Variants in SNTG1 observed in about 807,000 individuals in gnomAD.
The protein encoded by SNTG1 is syntrophin gamma 1.
SNTG1 carries 39 observed loss-of-function variants against 74.7 expected under a neutral mutation model. The observed-to-expected ratio is 0.52, with a 90% confidence interval of 0.40 to 0.68. The LOEUF (loss-of-function observed/expected upper bound fraction) is 0.68. Among genes scored for constraint, SNTG1 ranks in the 30% least tolerant of loss-of-function variants. SNTG1 has a pLI of 0.00. For missense variants in SNTG1, 685 were observed against 609.5 expected, an observed-to-expected ratio of 1.12 and a Z score of -1.30; for synonymous variants, 254 against 217.1, an observed-to-expected ratio of 1.17 and a Z score of -1.49.
chr8:50,601,012 A>G (rs2094769658), intron 13 of SNTG1, among the ~76,000 whole-genome samples: 1 of 151,834 alleles, frequency 6.6e-6, no homozygotes, highest in Admixed American at 6.6e-5. Context: ...TACTGAAAAT[A>G]CAAGAAACAT....
At chr8:50,394,862 T>TTTTA (rs397826323) in intron 3 of SNTG1, among the ~76,000 whole-genome samples, 6 of 151,534 alleles carry the variant, frequency 4.0e-5, no homozygotes, top group Non-Finnish European at 8.8e-5. Flanking sequence ...TTTTTTTTTT[T>TTTTA]ACTAAATATG....
chr8:50,350,270 A>C (rs2130995110), intron 2 of SNTG1, among the ~76,000 whole-genome samples: 1 of 152,158 alleles, frequency 6.6e-6, no homozygotes, highest in African/African-American at 2.4e-5. Context: ...ACCGGAGCCC[A>C]GTCCCACCGA....
chr8:50,736,032 C>T (rs957864780), intron 17 of SNTG1, among the ~76,000 whole-genome samples: 10 of 151,550 alleles, frequency 6.6e-5, no homozygotes, highest in Admixed American at 5.9e-4. Context: ...AGCTTCATAC[C>T]CAAAGGAGAA....
intron 2 of SNTG1, 41 bp downstream of exon 2, chr8:50,172,676 A>C (rs1311147177): frequency 6.6e-6 from 1 of 151,934 alleles, no homozygotes; most frequent in Non-Finnish European, 1.5e-5. Flanking sequence ...TGTGTAAATT[A>C]GTGGAAAAAA....
chr8:50,094,597 C>A (rs904205224), intron 1 of SNTG1, among the ~76,000 whole-genome samples: 3 of 152,116 alleles, frequency 2.0e-5, no homozygotes, highest in Admixed American at 2.0e-4. Flanking sequence ...CTCCACATCA[C>A]TAATCATAGA....
At chr8:50,219,228 C>T (rs1035623181) in intron 2 of SNTG1, among the ~76,000 whole-genome samples, 6 of 152,104 alleles carry the variant, frequency 3.9e-5, no homozygotes, top group Non-Finnish European at 7.3e-5. Flanking sequence ...GCCAAAAGAC[C>T]TAAGCCCAGC....
At chr8:49,916,842 C>T (rs1420458483) in intron 1 of SNTG1, among the ~76,000 whole-genome samples, 1 of 149,738 alleles carries the variant, frequency 6.7e-6, no homozygotes, top group Non-Finnish European at 1.5e-5. Flanking sequence ...CTCGTTTCTT[C>T]AATAGAAAAA....
intron 1 of SNTG1, among the ~76,000 whole-genome samples, chr8:49,974,703 C>A (rs1812029744): frequency 1.3e-5 from 2 of 149,438 alleles, no homozygotes; most frequent in Admixed American, 6.7e-5. Flanking sequence ...GTACTTACAG[C>A]TATAAAATCC....
chr8:50,492,276 G>T (rs1213722646), intron 8 of SNTG1, among the ~76,000 whole-genome samples: 1 of 152,112 alleles, frequency 6.6e-6, no homozygotes, highest in African/African-American at 2.4e-5. Flanking sequence ...GGGTTAAATG[G>T]TATTTCTAGT....
chr8:49,938,131 C>T (rs1267712782), intron 1 of SNTG1, among the ~76,000 whole-genome samples: 2 of 152,176 alleles, frequency 1.3e-5, no homozygotes, highest in Non-Finnish European at 2.9e-5. Context: ...AAATTCTAAT[C>T]ATTCCATGAC....
intron 4 of SNTG1, among the ~76,000 whole-genome samples, chr8:50,415,954 A>C (rs891776027): frequency 8.5e-5 from 13 of 152,282 alleles, no homozygotes; most frequent in Admixed American, 8.5e-4. Context: ...GATTATGATG[A>C]GAGAGTAAAA....
intron 1 of SNTG1, among the ~76,000 whole-genome samples, chr8:50,060,450 A>C (rs1273736354): frequency 1.3e-5 from 2 of 151,994 alleles, no homozygotes; most frequent in African/African-American, 4.8e-5. Context: ...AAACACTTGT[A>C]CCTATGTTTT....
At chr8:50,577,093 A>C (rs987992503) in intron 12 of SNTG1, among the ~76,000 whole-genome samples, 1 of 152,164 alleles carries the variant, frequency 6.6e-6, no homozygotes, top group Non-Finnish European at 1.5e-5. Flanking sequence ...ACCATTGAGT[A>C]TGATATTCCC....
At chr8:50,474,862 T>C (rs927772099) in intron 8 of SNTG1, among the ~76,000 whole-genome samples, 17 of 151,810 alleles carry the variant, frequency 1.1e-4, no homozygotes, top group Admixed American at 4.6e-4. Flanking sequence ...ATTAAGAAAA[T>C]GTGGCATATA....
At chr8:50,009,327 G>A (rs1815547237) in intron 1 of SNTG1, among the ~76,000 whole-genome samples, 1 of 152,098 alleles carries the variant, frequency 6.6e-6, no homozygotes, top group African/African-American at 2.4e-5. Context: ...GCATGATATA[G>A]GGATTGTTAT....
At chr8:50,633,896 C>T (rs140579170) in intron 13 of SNTG1, among the ~76,000 whole-genome samples, 74 of 152,198 alleles carry the variant, frequency 4.9e-4, no homozygotes, top group African/African-American at 1.6e-3. Context: ...GTTTTTTATT[C>T]CTATATCTGT....
intron 2 of SNTG1, among the ~76,000 whole-genome samples, chr8:50,183,726 A>T (rs2083287864): frequency 1.3e-5 from 2 of 152,282 alleles, no homozygotes; most frequent in South Asian, 2.1e-4. Flanking sequence ...AACTATGCTG[A>T]TGAGTTCGCC....
chr8:50,555,376 G>A (rs546318028), intron 12 of SNTG1, among the ~76,000 whole-genome samples: 19 of 152,272 alleles, frequency 1.2e-4, no homozygotes, highest in Non-Finnish European at 2.8e-4. Flanking sequence ...ATGTTGAAAA[G>A]TTATTAGGCA....
chr8:50,570,564 T>A (rs145558079), intron 12 of SNTG1, among the ~76,000 whole-genome samples: 2,097 of 129,790 alleles, frequency 0.016, 22 homozygotes, highest in South Asian at 0.037. Flanking sequence ...AGCCTTATTT[T>A]TTATTATTAT....
Sources: allele counts gnomAD v4.1 joint callset (sites outside exome capture counted in the v4.1 genomes callset), GRCh38; gene constraint gnomAD v4.1.1; transcripts MANE v1.5; gene names NCBI Gene and HGNC (gene_info 2026-07-23, HGNC 2026-07-21).